The following KLHL32 variants were observed in gnomAD, a reference collection of about 807,000 sequenced individuals.
KLHL32 encodes the protein kelch like family member 32, also known as kelch-like protein 32.
Under a neutral mutation model 64.8 loss-of-function variants are expected in KLHL32, and 35 were observed. That is an observed-to-expected ratio of 0.54 (90% confidence interval 0.41 to 0.72). The LOEUF (loss-of-function observed/expected upper bound fraction) is 0.72. Ranked by LOEUF, KLHL32 falls within the 30% of genes least tolerant of loss-of-function variation. The pLI is 0.00. For missense variants in KLHL32, 589 were observed against 768.5 expected (o/e 0.77, Z 2.76); for synonymous variants, 259 against 281.0 (o/e 0.92, Z 0.78).
At chr6:96,931,549 C>T (rs1309059463) in intron 1 of KLHL32, among the ~76,000 whole-genome samples, 1 of 152,122 alleles carries the variant, frequency 6.6e-6, no homozygotes, top group Non-Finnish European at 1.5e-5. Context: ...CTGCTTATAC[C>T]TGGTATGGAT....
chr6:96,999,269 G>A (rs1562229389), intron 3 of KLHL32, among the ~76,000 whole-genome samples: 1 of 151,972 alleles, frequency 6.6e-6, no homozygotes, highest in Non-Finnish European at 1.5e-5. Context: ...GGTCACACGT[G>A]CCTGTAGTCC....
intron 3 of KLHL32, among the ~76,000 whole-genome samples, chr6:97,005,171 T>G (rs980971257): frequency 2.0e-5 from 3 of 152,164 alleles, no homozygotes; most frequent in African/African-American, 7.2e-5. Context: ...TCATTTTGTC[T>G]GTTCAGGATT....
the KLHL32 span, among the ~76,000 whole-genome samples, chr6:96,899,683 T>C: frequency 1.3e-5 from 2 of 152,292 alleles, no homozygotes; most frequent in East Asian, 3.9e-4. Flanking sequence ...AAACTCACAA[T>C]TGGCTGTCAC....
chr6:97,139,278 T>C lies in KLHL32; in HGVS notation c.1859T>C (p.Ile620Thr), dbSNP rs1800426782. The C allele has an allele frequency of 2.5e-6, 4 of 1,612,378 alleles. No individual in the cohort carries two copies. The highest frequency in any genetic ancestry group is 3.4e-6 in the Non-Finnish European group (4 of 1,179,226). ...GTGCCTCATCACAGGATTGGCACCA[T>C]CTGAAAAGCCAAGCCATCATGAACA... ...LQVPHHRIGT[I>T] The change falls in exon 11 of 11, where the codon ATC (isoleucine) becomes ACC (threonine). Residue 620 changes from isoleucine to threonine, a missense_variant. This residue lies in a region of KLHL32 where 172 missense variants were observed against 192.0 expected (regional missense o/e 0.90). Coordinates refer to ENST00000369261, the MANE Select transcript of KLHL32 (RefSeq NM_052904.4).
chr6:97,083,303 T>A (rs1792870699), intron 5 of KLHL32, among the ~76,000 whole-genome samples: 1 of 151,522 alleles, frequency 6.6e-6, no homozygotes, highest in Admixed American at 6.6e-5. Flanking sequence ...GGCAGGAGAA[T>A]CACTTGAACT....
the KLHL32 span, among the ~76,000 whole-genome samples, chr6:96,914,247 C>T: frequency 1.3e-5 from 2 of 152,148 alleles, no homozygotes; most frequent in African/African-American, 4.8e-5. Flanking sequence ...TTCTAACCTA[C>T]AGAACTGTAA....
chr6:97,057,023 T>G (rs1390686873), intron 4 of KLHL32, among the ~76,000 whole-genome samples: 2 of 152,196 alleles, frequency 1.3e-5, no homozygotes, highest in African/African-American at 4.8e-5. Context: ...CATATAATTT[T>G]CATGTATCAC....
chr6:96,924,504 C>T (rs1451394705), upstream of KLHL32: 29 of 148,460 alleles, frequency 2.0e-4, 1 homozygote, highest in African/African-American at 7.2e-4. Context: ...GGAGCGAGCG[C>T]GCTGGCGGCG....
upstream of KLHL32, among the ~76,000 whole-genome samples, chr6:96,920,882 A>C (rs1474309648): frequency 6.6e-6 from 1 of 152,036 alleles, no homozygotes; most frequent in East Asian, 1.9e-4. Flanking sequence ...CTTTTGTTTG[A>C]GGTAACCCTA....
At chr6:96,900,436 A>T in the KLHL32 span, among the ~76,000 whole-genome samples, 4 of 152,370 alleles carry the variant, frequency 2.6e-5, no homozygotes, top group South Asian at 2.1e-4. Context: ...TTTAATTTTT[A>T]AAAAATAAAA....
At chr6:96,968,196 C>T (rs1421741406) in intron 2 of KLHL32, among the ~76,000 whole-genome samples, 1 of 152,038 alleles carries the variant, frequency 6.6e-6, no homozygotes, top group Non-Finnish European at 1.5e-5. Flanking sequence ...TGCTCTCAAT[C>T]AGTGATTCTC....
intron 3 of KLHL32, among the ~76,000 whole-genome samples, chr6:96,993,661 A>C (rs1480243838): frequency 6.6e-6 from 1 of 152,154 alleles, no homozygotes; most frequent in East Asian, 1.9e-4. Context: ...TTTTTACCCT[A>C]CTTGCAAGCT....
At chr6:96,941,103 C>G (rs1771227773) in intron 1 of KLHL32, among the ~76,000 whole-genome samples, 1 of 152,104 alleles carries the variant, frequency 6.6e-6, no homozygotes, top group African/African-American at 2.4e-5. Context: ...TTCCTTTGTA[C>G]TTTTGTAAAT....
intron 2 of KLHL32, among the ~76,000 whole-genome samples, chr6:96,969,064 G>A (rs36022189): frequency 0.14 from 20,758 of 151,940 alleles, 1,629 homozygotes; most frequent in East Asian, 0.26. Context: ...TGAGCATTTC[G>A]GCACTTGGCT....
chr6:96,907,245 C>T, the KLHL32 span, among the ~76,000 whole-genome samples: 207 of 152,270 alleles, frequency 1.4e-3, no homozygotes, highest in Middle Eastern at 0.014. Flanking sequence ...ACTCTTCATC[C>T]AGTATCCATA....
intron 8 of KLHL32, among the ~76,000 whole-genome samples, chr6:97,128,683 G>C (rs1799123811): frequency 1.3e-5 from 2 of 152,212 alleles, no homozygotes; most frequent in Admixed American, 6.5e-5. Context: ...CAGGCAGGCT[G>C]GGGTGACCTC....
At chr6:96,932,729 G>C (rs938538909) in intron 1 of KLHL32, among the ~76,000 whole-genome samples, 7 of 151,872 alleles carry the variant, frequency 4.6e-5, no homozygotes, top group Admixed American at 1.3e-4. Context: ...ACCACACCCA[G>C]CTAATTTTTA....
chr6:97,118,210 A>G (rs888283051), intron 7 of KLHL32, among the ~76,000 whole-genome samples: 1 of 152,234 alleles, frequency 6.6e-6, no homozygotes, highest in African/African-American at 2.4e-5. Context: ...ATTCAAAGCT[A>G]CTAACAGGAC....
intron 5 of KLHL32, among the ~76,000 whole-genome samples, chr6:97,075,940 C>T (rs1195509760): frequency 2.6e-5 from 4 of 152,148 alleles, no homozygotes; most frequent in Non-Finnish European, 5.9e-5. Context: ...ATAGTGTGCT[C>T]CCAGACTGTA....
Sources: allele counts gnomAD v4.1 joint callset (sites outside exome capture counted in the v4.1 genomes callset), GRCh38; gene constraint gnomAD v4.1.1; regional missense constraint gnomAD v4.1.1; transcripts MANE v1.5; gene names NCBI Gene and HGNC (gene_info 2026-07-23, HGNC 2026-07-21).